The following PDE4D variants were observed in gnomAD, a reference collection of about 807,000 sequenced individuals.
PDE4D encodes the protein phosphodiesterase 4D, also known as 3',5'-cyclic-AMP phosphodiesterase 4D.
PDE4D carries 24 observed loss-of-function variants against 87.4 expected under a neutral mutation model. The ratio of observed to expected loss-of-function variants is 0.27; its 90% confidence interval spans 0.20 to 0.39. The LOEUF (loss-of-function observed/expected upper bound fraction) is 0.39. Ranked by LOEUF, PDE4D falls within the 10% of genes least tolerant of loss-of-function variation. PDE4D has a pLI of 1.00. For missense variants in PDE4D, 714 were observed against 1,041.0 expected (o/e 0.69, Z 4.32); for synonymous variants, 384 against 383.2 (o/e 1.00, Z -0.02).
chr5:59,689,699 T>C (rs1292099694), intron 1 of PDE4D, among the ~76,000 whole-genome samples: 7 of 152,236 alleles, frequency 4.6e-5, no homozygotes, highest in Admixed American at 1.3e-4. Flanking sequence ...CTATTCAACA[T>C]AGTATTGGAA....
At chr5:59,721,815 T>C (rs1755871611) in intron 1 of PDE4D, among the ~76,000 whole-genome samples, 1 of 152,186 alleles carries the variant, frequency 6.6e-6, no homozygotes, top group Admixed American at 6.6e-5. Flanking sequence ...GAAATCTGCA[T>C]CTGCCAGCTA....
intron 1 of PDE4D, among the ~76,000 whole-genome samples, chr5:59,814,731 G>C (rs929299107): frequency 7.2e-5 from 11 of 152,174 alleles, no homozygotes; most frequent in African/African-American, 2.7e-4. Flanking sequence ...CTCTCTGCTG[G>C]GGACCAGCTG....
At chr5:59,602,676 G>GA (rs1407237815) in intron 1 of PDE4D, among the ~76,000 whole-genome samples, 1 of 151,796 alleles carries the variant, frequency 6.6e-6, no homozygotes, top group African/African-American at 2.4e-5. Context: ...CACAGAAACA[G>GA]AAAAAAACAA....
intron 1 of PDE4D, among the ~76,000 whole-genome samples, chr5:59,867,632 G>T (rs1747235373): frequency 6.6e-6 from 1 of 152,044 alleles, no homozygotes; most frequent in South Asian, 2.1e-4. Context: ...ATAAGTAAAA[G>T]AATAGTCATC....
At chr5:59,058,559 C>T (rs903075489) in intron 5 of PDE4D, among the ~76,000 whole-genome samples, 2 of 152,124 alleles carry the variant, frequency 1.3e-5, no homozygotes, top group African/African-American at 4.8e-5. Context: ...AAAAAGTGTT[C>T]TGGTTTGAAT....
intron 1 of PDE4D, among the ~76,000 whole-genome samples, chr5:59,521,721 TC>T (rs1254696249): frequency 6.6e-6 from 1 of 152,214 alleles, no homozygotes; most frequent in Non-Finnish European, 1.5e-5. Context: ...ACTAACTTCT[TC>T]CTCCCTCCCC....
Position 58,975,758 on chromosome 5 carries a change from T to C in PDE4D, c.1912A>G (p.Ile638Val). Residue 638 changes from isoleucine to valine, a missense_variant, in exon 14 of 15, where the codon ATA becomes GTA. Transcript: ENST00000340635. The surrounding 1 kb of genome is among the most constrained non-coding windows in gnomAD (Gnocchi z 4.2). The stretch of plus-strand genomic sequence containing the variant: ...CCTTGGCGGAAGAACTCCTCCATTA[T>C]CCGGTCCGTCCACTGGCGGTACAGC... Reference protein sequence around the residue: ...LQLYRQWTDRIMEEFFRQGDR... With the variant: ...LQLYRQWTDRVMEEFFRQGDR... The C allele has an allele frequency of 6.2e-7, 1 of 1,613,328 alleles. No individual in the cohort carries two copies. Among genetic ancestry groups the C allele is most frequent in the Non-Finnish European group, 8.5e-7 (1 of 1,179,506 alleles).
chr5:60,175,386 T>C (rs1783820731), intron 2 of PDE4D, among the ~76,000 whole-genome samples: 1 of 152,160 alleles, frequency 6.6e-6, no homozygotes, highest in Admixed American at 6.6e-5. Flanking sequence ...TTAAATTCCT[T>C]GTGTGATAAT....
At chr5:59,651,536 G>A (rs772258105) in intron 1 of PDE4D, among the ~76,000 whole-genome samples, 1 of 151,912 alleles carries the variant, frequency 6.6e-6, no homozygotes, top group Non-Finnish European at 1.5e-5. Context: ...AAGGTCACAT[G>A]GAGTACTTGG....
chr5:58,986,747 G>C (rs1432851647), intron 11 of PDE4D, among the ~76,000 whole-genome samples: 1 of 152,140 alleles, frequency 6.6e-6, no homozygotes. Flanking sequence ...AAAAACATTG[G>C]AGACTGCTGC....
At chr5:59,472,077 T>C (rs1802533819) in intron 1 of PDE4D, among the ~76,000 whole-genome samples, 1 of 152,112 alleles carries the variant, frequency 6.6e-6, no homozygotes, top group Admixed American at 6.6e-5. Flanking sequence ...AGAGCCAATT[T>C]ATGCAAAAAG....
rs34257506 is a variant in PDE4D at position 59,914,536 on chromosome 5, ATGTGTG to A, written c.272+73946_272+73951del. Reference sequence around the variant, plus strand: ...AGAAAAGACAAAGCCAGGAAGATGTATGTGTGTGTGTGTGTGTGTGTGTGTGTGCAT... The same window carrying A: ...AGAAAAGACAAAGCCAGGAAGATGTATGTGTGTGTGTGTGTGTGTGTGCAT... On this transcript the variant is annotated intron_variant, in intron 3 of 16. Transcript: ENST00000502484. Among the ~76,000 whole-genome samples, 220 of 145,286 alleles carry A rather than the reference ATGTGTG, an allele frequency of 1.5e-3. 2 individuals are homozygous for A. The South Asian group carries it at 0.02, about 13-fold the overall frequency.
chr5:59,933,947 A>G (rs1413253228), intron 3 of PDE4D, among the ~76,000 whole-genome samples: 5 of 152,120 alleles, frequency 3.3e-5, no homozygotes, highest in Non-Finnish European at 7.4e-5. Context: ...GAAAACACTT[A>G]AAAACCTATT....
intron 5 of PDE4D, among the ~76,000 whole-genome samples, chr5:59,100,098 T>G (rs1770477443): frequency 6.6e-6 from 1 of 152,232 alleles, no homozygotes; most frequent in South Asian, 2.1e-4. Flanking sequence ...TCTCCCAAAC[T>G]GCTTCCCATG....
At chr5:59,979,083 G>C (rs1761642021) in intron 3 of PDE4D, among the ~76,000 whole-genome samples, 2 of 152,146 alleles carry the variant, frequency 1.3e-5, no homozygotes, top group South Asian at 4.2e-4. Context: ...TATTGCAGTG[G>C]CCTGGATCTG....
chr5:59,203,532 C>T (rs1034429869), intron 2 of PDE4D, among the ~76,000 whole-genome samples: 1 of 152,116 alleles, frequency 6.6e-6, no homozygotes, highest in Non-Finnish European at 1.5e-5. Flanking sequence ...GAGATACCTG[C>T]ACTCCCATGT....
chr5:59,732,386 GGA>G (rs1757482312), intron 1 of PDE4D, among the ~76,000 whole-genome samples: 1 of 118,610 alleles, frequency 8.4e-6, no homozygotes, highest in African/African-American at 3.9e-5. Flanking sequence ...TCAAATGTCA[GGA>G]GACATTCACA....
chr5:59,992,660 T>A (rs1037981890), intron 2 of PDE4D, among the ~76,000 whole-genome samples: 6 of 152,224 alleles, frequency 3.9e-5, no homozygotes, highest in Non-Finnish European at 7.3e-5. Context: ...GGTTATCTGT[T>A]GAATGACTTA....
At chr5:60,467,378 A>G (rs1283419903) in intron 1 of PDE4D, among the ~76,000 whole-genome samples, 1 of 152,194 alleles carries the variant, frequency 6.6e-6, no homozygotes, top group African/African-American at 2.4e-5. Flanking sequence ...TTAAGACTTG[A>G]GAATTTTCCA....
Sources: gnomAD v4.1 joint callset for allele counts (sites outside exome capture counted in the v4.1 genomes callset) on GRCh38, gnomAD v4.1.1 for gene constraint, Gnocchi (gnomAD v3.1) non-coding constraint, MANE v1.5 for transcripts, NCBI Gene and HGNC (gene_info 2026-07-23, HGNC 2026-07-21) for gene names.